Variants in KIZ observed in about 807,000 individuals in gnomAD.
The protein encoded by KIZ is centrosomal protein kizuna.
KIZ carries 68 observed loss-of-function variants against 79.6 expected under a neutral mutation model. That is an observed-to-expected ratio of 0.85 (90% CI 0.70 to 1.05). The LOEUF (loss-of-function observed/expected upper bound fraction) is 1.05, where lower values mean the gene tolerates loss of function less well. KIZ is among the 50% of genes least tolerant of loss of function. The pLI, the probability that KIZ is intolerant of heterozygous loss-of-function variation, is 0.00. For missense variants in KIZ, 797 were observed against 800.4 expected, an observed-to-expected ratio of 1.00 and a Z score of 0.05; for synonymous variants, 280 against 281.8, an observed-to-expected ratio of 0.99 and a Z score of 0.06.
intron 3 of KIZ, 80 bp from the exon 4 acceptor site, chr20:21,145,477 CTCCCTGTA>C (rs1461420086): frequency 2.2e-6 from 1 of 447,432 alleles, no homozygotes; most frequent in East Asian, 3.6e-5. Context: ...TACTTCAATG[CTCCCTGTA>C]TGTTGTAAAG....
chr20:21,238,174 A>G (rs946253876), intron 11 of KIZ, among the ~76,000 whole-genome samples: 4 of 150,966 alleles, frequency 2.6e-5, no homozygotes. Context: ...GTGCTTCCTG[A>G]GTGAGTAAGC....
intron 6 of KIZ, among the ~76,000 whole-genome samples, chr20:21,171,081 A>G (rs1203447440): frequency 6.6e-6 from 1 of 152,226 alleles, no homozygotes; most frequent in African/African-American, 2.4e-5. Context: ...TTCTTGTTCT[A>G]CATCTTGTCA....
At chr20:21,146,632 G>C (rs1423483534) in intron 4 of KIZ, among the ~76,000 whole-genome samples, 1 of 152,144 alleles carries the variant, frequency 6.6e-6, no homozygotes, top group African/African-American at 2.4e-5. Context: ...TGCTAAGCAG[G>C]CTGCCTGGCT....
At chr20:21,201,255 A>C (rs946461083) in intron 6 of KIZ, among the ~76,000 whole-genome samples, 2 of 152,234 alleles carry the variant, frequency 1.3e-5, no homozygotes, top group South Asian at 4.1e-4. Context: ...TTTGACAACT[A>C]TGAATTATAA....
intron 4 of KIZ, among the ~76,000 whole-genome samples, chr20:21,161,156 C>A (rs1047981411): frequency 2.6e-5 from 4 of 152,080 alleles, no homozygotes; most frequent in African/African-American, 9.7e-5. Flanking sequence ...CTATCCAAAT[C>A]CTTTTCCCAC....
intron 3 of KIZ, among the ~76,000 whole-genome samples, chr20:21,137,421 G>T (rs2032256260): frequency 6.6e-6 from 1 of 151,560 alleles, no homozygotes; most frequent in South Asian, 2.1e-4. Flanking sequence ...ACTGGTCACA[G>T]GAGGAGTTGG....
At chr20:21,218,106 C>T (rs2036368575) in intron 9 of KIZ, 1 of 152,196 alleles carries the variant, frequency 6.6e-6, no homozygotes, top group Non-Finnish European at 1.5e-5. Context: ...AAGAAATTGC[C>T]ACTTGAGAAC....
chr20:21,130,466 T>C (rs1377081008), intron 1 of KIZ, among the ~76,000 whole-genome samples: 2 of 152,170 alleles, frequency 1.3e-5, no homozygotes, highest in Non-Finnish European at 2.9e-5. Flanking sequence ...CAATTGATCA[T>C]GAAACTCTAG....
At chr20:21,168,006 G>T (rs1417048473) in intron 6 of KIZ, among the ~76,000 whole-genome samples, 2 of 152,154 alleles carry the variant, frequency 1.3e-5, no homozygotes, top group South Asian at 4.2e-4. Context: ...GTGCCATGTT[G>T]TTGTGCTTCA....
intron 1 of KIZ, among the ~76,000 whole-genome samples, chr20:21,131,436 T>A (rs2031836043): frequency 6.6e-6 from 1 of 152,164 alleles, no homozygotes; most frequent in Non-Finnish European, 1.5e-5. Context: ...TCATCAGATG[T>A]AAGTGAGGCC....
chr20:21,210,686 G>GA (rs1568980237), intron 7 of KIZ, among the ~76,000 whole-genome samples: 1 of 152,010 alleles, frequency 6.6e-6, no homozygotes, highest in Admixed American at 6.6e-5. Flanking sequence ...TCTCACTCTG[G>GA]AAGGGTCATC....
chr20:21,185,062 T>TTGTGTGTGTGTGTGTGTGTGTGTGTGTG (rs144332345), intron 6 of KIZ, among the ~76,000 whole-genome samples: 36 of 151,520 alleles, frequency 2.4e-4, no homozygotes, highest in African/African-American at 8.0e-4. Context: ...AAAAAAATAA[T>TTGTGTGTGTGTGTGTGTGTGTGTGTGTG]TGTGTGTGTG....
At chr20:21,178,715 T>G (rs1356944739) in intron 6 of KIZ, among the ~76,000 whole-genome samples, 5 of 152,162 alleles carry the variant, frequency 3.3e-5, no homozygotes, top group Non-Finnish European at 7.4e-5. Context: ...ACTTTATATA[T>G]GTGACCTTTA....
intron 11 of KIZ, among the ~76,000 whole-genome samples, chr20:21,238,018 A>T (rs1386239103): frequency 6.6e-6 from 1 of 151,902 alleles, no homozygotes; most frequent in Non-Finnish European, 1.5e-5. Flanking sequence ...TTTGGTAGAG[A>T]TGATGTTTCG....
intron 6 of KIZ, chr20:21,202,309 T>C (rs1335969770): frequency 2.0e-5 from 3 of 152,230 alleles, no homozygotes; most frequent in Non-Finnish European, 2.9e-5. Flanking sequence ...TTATAAGAAA[T>C]GTACCTGCTG....
intron 10 of KIZ, 143 bp from the exon 11 acceptor site, chr20:21,232,591 G>A (rs1055843286): frequency 1.7e-5 from 10 of 571,852 alleles, no homozygotes; most frequent in Admixed American, 3.0e-5. Flanking sequence ...TGCCTCAGAA[G>A]CTCCCTTGCC....
At chr20:21,189,131 A>G (rs1288636009) in intron 6 of KIZ, among the ~76,000 whole-genome samples, 1 of 152,196 alleles carries the variant, frequency 6.6e-6, no homozygotes, top group Non-Finnish European at 1.5e-5. Context: ...GGTATGAGCC[A>G]CCATCCTGCA....
intron 3 of KIZ, 47 bp downstream of exon 3, chr20:21,136,599 G>GT (rs11476720): frequency 0.035 from 36,105 of 1,022,426 alleles, no homozygotes; most frequent in East Asian, 0.063. Context: ...GTTGTTGTGT[G>GT]TTTTTTTTTT....
chr20:21,229,006 A>G lies in KIZ; in HGVS notation c.1679-5A>G, dbSNP rs2036743755. ...AATATTTCTGTGTTTTTCTTTAATC[A>G]ACAGAAACAGAAGCCTATCAGTTGC... is the stretch of plus-strand genomic sequence containing the variant. On this transcript the variant is annotated splice_polypyrimidine_tract_variant and splice_region_variant and intron_variant, in intron 9 of 12. Coordinates refer to ENST00000619189, the MANE Select transcript of KIZ (RefSeq NM_018474.6). The G allele has an allele frequency of 5.2e-6, 8 of 1,546,812 alleles. No individual in the cohort carries two copies. The highest frequency in any genetic ancestry group is 6.2e-6 in the Non-Finnish European group (7 of 1,124,918).
Sources: gnomAD v4.1 joint callset for allele counts (sites outside exome capture counted in the v4.1 genomes callset) on GRCh38, gnomAD v4.1.1 for gene constraint, MANE v1.5 for transcripts, NCBI Gene and HGNC (gene_info 2026-07-23, HGNC 2026-07-21) for gene names.